PDZRN4: variants seen among roughly 807,000 people sequenced by gnomAD.
PDZRN4 encodes the protein PDZ domain containing ring finger 4, also known as PDZ domain-containing RING finger protein 4.
PDZRN4 carries 70 observed loss-of-function variants against 99.0 expected under a neutral mutation model. That is an observed-to-expected ratio of 0.71 (90% CI 0.58 to 0.86). PDZRN4 has a LOEUF of 0.86. PDZRN4 is among the 40% of genes least tolerant of loss of function. The pLI, the probability that PDZRN4 is intolerant of heterozygous loss-of-function variation, is 0.00. For synonymous variants in PDZRN4, 551 were observed against 501.6 expected (o/e 1.10, Z -1.32); for missense variants, 1,474 against 1,331.2 (o/e 1.11, Z -1.67).
intron 9 of PDZRN4, among the ~76,000 whole-genome samples, chr12:41,571,364 TCTCTCTCTCTCTCACA>T (rs1297828432): frequency 9.2e-5 from 9 of 97,822 alleles, no homozygotes; most frequent in East Asian, 8.0e-4. Flanking sequence ...TCTCTCTCTC[TCTCTCTCTCTCTCACA>T]CACACACACA....
intron 3 of PDZRN4, among the ~76,000 whole-genome samples, chr12:41,260,550 A>T (rs573887036): frequency 6.6e-6 from 1 of 152,148 alleles, no homozygotes; most frequent in East Asian, 1.9e-4. Flanking sequence ...GCATTATGAA[A>T]CTAAGGTTGC....
chr12:41,249,742 G>C (rs187676780), intron 3 of PDZRN4, among the ~76,000 whole-genome samples: 6 of 152,244 alleles, frequency 3.9e-5, no homozygotes, highest in Admixed American at 3.3e-4. Flanking sequence ...TTGATTTGAA[G>C]ACTTTACACT....
At chr12:41,292,684 A>T (rs1296456121) in intron 3 of PDZRN4, among the ~76,000 whole-genome samples, 2 of 147,652 alleles carry the variant, frequency 1.4e-5, no homozygotes, top group African/African-American at 5.2e-5. Context: ...AGTCTTTAAA[A>T]TGACATTCTA....
intron 3 of PDZRN4, among the ~76,000 whole-genome samples, chr12:41,485,398 A>G (rs764010526): frequency 6.6e-6 from 1 of 152,190 alleles, no homozygotes; most frequent in Non-Finnish European, 1.5e-5. Context: ...CCGGTACGGA[A>G]ATGACAAGTC....
rs1407281769 is a variant in PDZRN4 at position 41,574,616 on chromosome 12, C to T, written c.*726C>T. The T allele has an allele frequency of 6.6e-6, 1 of 152,486 alleles. No individual in the cohort carries two copies. The highest frequency in any genetic ancestry group is 1.9e-4 in the East Asian group (1 of 5,164). 9.4% of individuals were successfully genotyped at this position (152,486 alleles called of 1,614,324 possible). ...TCAAGGAGTGTTTTATTTTCCTTGT[C>T]CACAGTGGTTGACAGTTATAAAGTA... On this transcript the variant is annotated 3_prime_UTR_variant, in exon 10 of 10. Coordinates refer to ENST00000402685, the MANE Select transcript of PDZRN4 (RefSeq NM_001164595.2).
intron 3 of PDZRN4, among the ~76,000 whole-genome samples, chr12:41,286,097 G>A (rs1167319841): frequency 6.6e-6 from 1 of 152,084 alleles, no homozygotes. Context: ...AATGTGATAA[G>A]AGGTAAGGCT....
chr12:41,246,880 T>C (rs1222411259), intron 3 of PDZRN4, among the ~76,000 whole-genome samples: 1 of 152,156 alleles, frequency 6.6e-6, no homozygotes, highest in Non-Finnish European at 1.5e-5. Flanking sequence ...TTCTATACAG[T>C]TAATTTTTTT....
At chr12:41,519,606 T>C (rs1938458863) in intron 5 of PDZRN4, among the ~76,000 whole-genome samples, 1 of 152,062 alleles carries the variant, frequency 6.6e-6, no homozygotes, top group Admixed American at 6.6e-5. Context: ...AGTGATTTTT[T>C]TTTTATTGCT....
At chr12:41,427,577 A>G (rs1952547608) in intron 3 of PDZRN4, among the ~76,000 whole-genome samples, 1 of 152,216 alleles carries the variant, frequency 6.6e-6, no homozygotes, top group Admixed American at 6.5e-5. Context: ...TTCTGATGAT[A>G]ATGTGTCCTG....
intron 5 of PDZRN4, among the ~76,000 whole-genome samples, chr12:41,537,780 G>A (rs920528514): frequency 1.1e-4 from 17 of 152,106 alleles, no homozygotes; most frequent in African/African-American, 1.7e-4. Context: ...AAGTAAGGGG[G>A]AAAAGATAAC....
chr12:41,406,013 T>G lies in PDZRN4; in HGVS notation c.844-100443T>G, dbSNP rs7974539. Among the ~76,000 whole-genome samples the G allele has an allele frequency of 5.9e-3, 900 of 152,296 alleles. 10 individuals carry two copies. The highest frequency in any genetic ancestry group is 0.021 in the African/African-American group (857 of 41,556). On this transcript the variant is annotated intron_variant, in intron 3 of 9. Coordinates refer to ENST00000402685, the MANE Select transcript of PDZRN4 (RefSeq NM_001164595.2). Reference sequence around the variant, plus strand: ...CCTGTTGAGTACTATGCTCACTACCTGGGTGTAATATACTCATGTAACAGA... The same window carrying G: ...CCTGTTGAGTACTATGCTCACTACCGGGGTGTAATATACTCATGTAACAGA...
intron 3 of PDZRN4, among the ~76,000 whole-genome samples, chr12:41,255,890 A>T (rs571182017): frequency 6.6e-6 from 1 of 152,214 alleles, no homozygotes; most frequent in South Asian, 2.1e-4. Flanking sequence ...CAGAGCAAGA[A>T]CTCACTTATT....
In PDZRN4 at chr12:41,402,693, C is replaced by T. The variant is rs1163609937; in HGVS notation, c.844-103763C>T. ...TATATATATATATACTGAGTATATA[C>T]ATATATATACTCTCTTCAAAAGTCA... On this transcript the variant is annotated intron_variant, in intron 3 of 9. Coordinates refer to ENST00000402685, the MANE Select transcript of PDZRN4 (RefSeq NM_001164595.2). Among the ~76,000 whole-genome samples, 338 of 121,238 alleles carry T rather than the reference C, an allele frequency of 2.8e-3. 6 individuals are homozygous for T. Among genetic ancestry groups the T allele is most frequent in the African/African-American group, 9.7e-3 (320 of 32,994 alleles). The allele number at this position is 121,238 out of a possible 152,430, so 79.5% of individuals were successfully genotyped here.
chr12:41,431,579 G>A (rs546315945), intron 3 of PDZRN4, among the ~76,000 whole-genome samples: 1 of 152,330 alleles, frequency 6.6e-6, no homozygotes, highest in African/African-American at 2.4e-5. Context: ...GAGCATGTAA[G>A]TTGTACAAGC....
intron 3 of PDZRN4, among the ~76,000 whole-genome samples, chr12:41,469,089 G>T (rs1952961166): frequency 6.6e-6 from 1 of 152,096 alleles, no homozygotes; most frequent in Admixed American, 6.5e-5. Flanking sequence ...TTACTGTGTG[G>T]TACTAGGTTT....
intron 3 of PDZRN4, among the ~76,000 whole-genome samples, chr12:41,276,185 A>C (rs1358318979): frequency 6.6e-6 from 1 of 152,184 alleles, no homozygotes; most frequent in Admixed American, 6.5e-5. Context: ...TGGCTCTCCA[A>C]AGAACTGCAG....
At chr12:41,346,530 C>T (rs1951856504) in intron 3 of PDZRN4, among the ~76,000 whole-genome samples, 1 of 151,866 alleles carries the variant, frequency 6.6e-6, no homozygotes, top group Non-Finnish European at 1.5e-5. Context: ...TTTTCAAATT[C>T]TATAATATTA....
At chr12:41,364,220 T>G (rs1951981785) in intron 3 of PDZRN4, among the ~76,000 whole-genome samples, 1 of 152,048 alleles carries the variant, frequency 6.6e-6, no homozygotes, top group Non-Finnish European at 1.5e-5. Flanking sequence ...TCTGGGATAA[T>G]TCTGGTGCTT....
chr12:41,465,541 T>C (rs1235176892), intron 3 of PDZRN4, among the ~76,000 whole-genome samples: 1 of 152,238 alleles, frequency 6.6e-6, no homozygotes, highest in Non-Finnish European at 1.5e-5. Context: ...CAATAGTAAA[T>C]GCCCTTCTTT....
Sources: gnomAD v4.1 joint callset for allele counts (sites outside exome capture counted in the v4.1 genomes callset) on GRCh38, gnomAD v4.1.1 for gene constraint, MANE v1.5 for transcripts, NCBI Gene and HGNC (gene_info 2026-07-23, HGNC 2026-07-21) for gene names.